DIAPH3: variants seen among roughly 807,000 people sequenced by gnomAD.
DIAPH3 encodes the protein diaphanous related formin 3.
In DIAPH3, 117 loss-of-function variants were observed where a neutral mutation model predicts 144.3. The observed-to-expected ratio is 0.81, with a 90% CI of 0.70 to 0.95. The LOEUF is 0.95. DIAPH3 is among the 40% of genes least tolerant of loss of function. The pLI is 0.00. For synonymous variants in DIAPH3, 519 were observed against 488.9 expected, an observed-to-expected ratio of 1.06 and a Z score of -0.81; for missense variants, 1,421 against 1,412.7, an observed-to-expected ratio of 1.01 and a Z score of -0.09.
chr13:59,925,766 T>C (rs959741931), intron 17 of DIAPH3, among the ~76,000 whole-genome samples: 1 of 152,108 alleles, frequency 6.6e-6, no homozygotes, highest in Non-Finnish European at 1.5e-5. Flanking sequence ...GGTAGCTACG[T>C]GTCCAGAAAT....
chr13:60,108,443 T>C (rs1463396405), intron 3 of DIAPH3, among the ~76,000 whole-genome samples: 3 of 151,906 alleles, frequency 2.0e-5, no homozygotes, highest in Admixed American at 1.3e-4. Context: ...ACCACATCTC[T>C]ACCAAAAATA....
intron 27 of DIAPH3, among the ~76,000 whole-genome samples, chr13:59,771,268 T>A (rs1472820657): frequency 6.6e-6 from 1 of 152,048 alleles, no homozygotes; most frequent in African/African-American, 2.4e-5. Context: ...AATAAAAAAT[T>A]AAAATTGCAG....
At chr13:59,889,183 T>C (rs1762708328) in intron 20 of DIAPH3, among the ~76,000 whole-genome samples, 1 of 152,098 alleles carries the variant, frequency 6.6e-6, no homozygotes, top group South Asian at 2.1e-4. Flanking sequence ...GTCCATTATT[T>C]CTTCAAATAT....
rs909636880 is a variant in DIAPH3 at position 60,008,524 on chromosome 13, T to A, written c.1014+20A>T. The A allele has an allele frequency of 1.3e-6, 2 of 1,544,196 alleles. No individual in the cohort carries two copies. The highest frequency in any genetic ancestry group is 2.7e-5 in the African/African-American group (2 of 73,450). On this transcript the variant is annotated intron_variant, in intron 9 of 27. Transcript: ENST00000400324. ...ATATATGCCATTTAAAAACAGATTTTATATACACACAAAACTTACTTGCAG... is the reference window on the plus strand; with the variant it reads ...ATATATGCCATTTAAAAACAGATTTAATATACACACAAAACTTACTTGCAG...
At chr13:59,717,823 C>G (rs1019636669) in intron 27 of DIAPH3, among the ~76,000 whole-genome samples, 2 of 151,352 alleles carry the variant, frequency 1.3e-5, no homozygotes, top group Admixed American at 6.6e-5. Flanking sequence ...AAAAAAACCA[C>G]AAGCCAAACC....
chr13:59,679,891 T>A (rs1053918635), intron 27 of DIAPH3, among the ~76,000 whole-genome samples: 1 of 152,160 alleles, frequency 6.6e-6, no homozygotes, highest in African/African-American at 2.4e-5. Context: ...AAGAAAAATA[T>A]GTTACTATCA....
chr13:60,001,555 G>A lies in DIAPH3; in HGVS notation c.1014+6989C>T, dbSNP rs146275776. On this transcript the variant is annotated intron_variant, in intron 9 of 27. Coordinates refer to ENST00000400324, the MANE Select transcript of DIAPH3 (RefSeq NM_001042517.2). ...GCCAAGTTGAAAGCTCTGCCACCCT[G>A]TAGTCCCTTAACTAATAAAGTTCCT... 2.7e-3 allele frequency among the ~76,000 whole-genome samples: 417 copies of A among 152,332 alleles called. 3 individuals are homozygous for A. Among genetic ancestry groups the A allele is most frequent in the Middle Eastern group, 0.01 (3 of 294 alleles).
intron 5 of DIAPH3, among the ~76,000 whole-genome samples, chr13:60,035,387 C>G (rs1455915410): frequency 6.6e-6 from 1 of 152,136 alleles, no homozygotes; most frequent in Non-Finnish European, 1.5e-5. Flanking sequence ...AAGAAGCAGC[C>G]TCCTACCCCT....
chr13:59,819,570 T>C (rs561701820), intron 24 of DIAPH3, among the ~76,000 whole-genome samples: 1 of 151,938 alleles, frequency 6.6e-6, no homozygotes, highest in African/African-American at 2.4e-5. Context: ...TCATACAGTA[T>C]GTATTTCGGG....
intron 17 of DIAPH3, among the ~76,000 whole-genome samples, chr13:59,925,075 G>C (rs1273753035): frequency 6.6e-6 from 1 of 152,032 alleles, no homozygotes; most frequent in Non-Finnish European, 1.5e-5. Flanking sequence ...AGAAACTATG[G>C]AAAGTAAATA....
At chr13:59,848,530 T>C (rs1479757751) in intron 22 of DIAPH3, among the ~76,000 whole-genome samples, 6 of 143,102 alleles carry the variant, frequency 4.2e-5, no homozygotes, top group Admixed American at 3.6e-4. Flanking sequence ...TGTGATCTCA[T>C]TGTTCAATTC....
intron 23 of DIAPH3, chr13:59,838,820 C>T (rs12856416): frequency 0.017 from 2,624 of 154,888 alleles, 47 homozygotes; most frequent in Admixed American, 0.05. Context: ...AATGATCATA[C>T]ATTTGTGGGT....
chr13:60,139,336 G>T (rs182384242), intron 1 of DIAPH3, among the ~76,000 whole-genome samples: 15 of 152,268 alleles, frequency 9.9e-5, no homozygotes, highest in African/African-American at 3.6e-4. Context: ...GGAGATGTTA[G>T]GAACAGGTGA....
intron 4 of DIAPH3, among the ~76,000 whole-genome samples, chr13:60,047,228 GAAGA>G (rs2056117267): frequency 6.6e-6 from 1 of 151,650 alleles, no homozygotes; most frequent in South Asian, 2.1e-4. Flanking sequence ...TCACAGAACA[GAAGA>G]ATTAATTTTA....
At chr13:60,163,540 T>C in intron 1 of DIAPH3, 47 bp downstream of exon 1, 5 of 1,577,796 alleles carry the variant, frequency 3.2e-6, no homozygotes, top group South Asian at 1.1e-5. Context: ...CAGTCAGCCC[T>C]ACGGCGGGGC....
intron 22 of DIAPH3, among the ~76,000 whole-genome samples, chr13:59,860,724 C>T (rs1039595934): frequency 2.0e-5 from 3 of 150,496 alleles, no homozygotes; most frequent in Non-Finnish European, 3.0e-5. Flanking sequence ...GGCAACAGAG[C>T]GAGACTCCAT....
intron 21 of DIAPH3, among the ~76,000 whole-genome samples, chr13:59,875,867 T>G (rs1042192199): frequency 6.6e-6 from 1 of 152,284 alleles, no homozygotes; most frequent in Non-Finnish European, 1.5e-5. Context: ...AGTTACTCAT[T>G]GCCATCCTGA....
At chr13:60,140,864 GTTT>G (rs1254279245) in intron 1 of DIAPH3, among the ~76,000 whole-genome samples, 1 of 152,074 alleles carries the variant, frequency 6.6e-6, no homozygotes, top group African/African-American at 2.4e-5. Flanking sequence ...TAATAGGCTA[GTTT>G]TTTAATGCAT....
chr13:59,857,089 A>G (rs1382947102), intron 22 of DIAPH3, among the ~76,000 whole-genome samples: 1 of 152,192 alleles, frequency 6.6e-6, no homozygotes, highest in Non-Finnish European at 1.5e-5. Flanking sequence ...AATTAAACTA[A>G]TAACTAATAC....
Sources: gnomAD v4.1 joint callset for allele counts (sites outside exome capture counted in the v4.1 genomes callset) on GRCh38, gnomAD v4.1.1 for gene constraint, MANE v1.5 for transcripts, NCBI Gene and HGNC (gene_info 2026-07-23, HGNC 2026-07-21) for gene names.